DGLUCY: variants seen among roughly 807,000 people sequenced by gnomAD.
The protein encoded by DGLUCY is D-glutamate cyclase, also known as D-glutamate cyclase, mitochondrial.
A neutral mutation model predicts 58.5 loss-of-function variants in DGLUCY; 58 were observed. The observed-to-expected ratio is 0.99, with a 90% CI of 0.80 to 1.23. DGLUCY has a LOEUF of 1.23. Among genes scored for constraint, DGLUCY ranks in the 50% most tolerant of loss-of-function variants. The pLI, the probability that DGLUCY is intolerant of heterozygous loss-of-function variation, is 0.00. For synonymous variants in DGLUCY, 325 were observed against 314.1 expected, an observed-to-expected ratio of 1.03 and a Z score of -0.37; for missense variants, 779 against 784.7, an observed-to-expected ratio of 0.99 and a Z score of 0.09.
chr14:91,114,593 T>A (rs1374640893), intron 1 of DGLUCY: 1 of 152,244 alleles, frequency 6.6e-6, no homozygotes. Flanking sequence ...GTCACTGCCC[T>A]TGAGAACTCC....
chr14:91,195,568 G>A (rs1344497138), intron 9 of DGLUCY, among the ~76,000 whole-genome samples: 1 of 151,970 alleles, frequency 6.6e-6, no homozygotes, highest in Non-Finnish European at 1.5e-5. Flanking sequence ...TTGGAGCCAT[G>A]AAACTGACAT....
upstream of DGLUCY, among the ~76,000 whole-genome samples, chr14:91,107,760 A>AT (rs2044616686): frequency 1.3e-5 from 2 of 152,072 alleles, no homozygotes; most frequent in Non-Finnish European, 2.9e-5. Context: ...ATGGAATGGT[A>AT]TATCAGATGG....
At chr14:91,196,995 CT>C (rs1344619519) in intron 10 of DGLUCY, among the ~76,000 whole-genome samples, 1 of 152,088 alleles carries the variant, frequency 6.6e-6, no homozygotes, top group Admixed American at 6.6e-5. Context: ...GGGATGGAGT[CT>C]TTATCTGTTG....
chr14:91,143,029 C>CA (rs34164664), intron 1 of DGLUCY, among the ~76,000 whole-genome samples: 15,222 of 82,988 alleles, frequency 0.18, 1,294 homozygotes, highest in African/African-American at 0.21. Flanking sequence ...GACTCCCTCT[C>CA]AAAAAAAAAA....
At chr14:91,195,675 T>C (rs575903130) in intron 9 of DGLUCY, among the ~76,000 whole-genome samples, 1 of 148,140 alleles carries the variant, frequency 6.8e-6, no homozygotes, top group Admixed American at 6.7e-5. Flanking sequence ...GTTTTGTTTT[T>C]TTTTTTTTTT....
At chr14:91,109,630 C>T (rs2044659919), upstream of DGLUCY, among the ~76,000 whole-genome samples, 1 of 152,112 alleles carries the variant, frequency 6.6e-6, no homozygotes, top group South Asian at 2.1e-4. Flanking sequence ...TCCTGGCTCC[C>T]AGATGGCCAC....
chr14:91,142,875 ACACACAC>A (rs2046795340), intron 1 of DGLUCY, among the ~76,000 whole-genome samples: 1 of 147,726 alleles, frequency 6.8e-6, no homozygotes, highest in South Asian at 2.2e-4. Flanking sequence ...ACACACACAC[ACACACAC>A]TAGCCGGCGT....
At chr14:91,209,763 T>C (rs954894733) in intron 12 of DGLUCY, among the ~76,000 whole-genome samples, 1 of 152,152 alleles carries the variant, frequency 6.6e-6, no homozygotes, top group Non-Finnish European at 1.5e-5. Flanking sequence ...GATTGAGCTA[T>C]ATATTGTCTG....
At chr14:91,133,767 A>C (rs963549400) in intron 1 of DGLUCY, among the ~76,000 whole-genome samples, 1 of 152,150 alleles carries the variant, frequency 6.6e-6, no homozygotes, top group Non-Finnish European at 1.5e-5. Context: ...AGCAATGTAC[A>C]AGGGTTCCAG....
intron 8 of DGLUCY, among the ~76,000 whole-genome samples, chr14:91,182,550 G>T (rs747051693): frequency 6.6e-6 from 1 of 151,982 alleles, no homozygotes; most frequent in Non-Finnish European, 1.5e-5. Context: ...TTCCCGCCTC[G>T]GCCTCCCAAA....
At chr14:91,079,265 C>T (rs900356000) in intron 1 of DGLUCY, among the ~76,000 whole-genome samples, 1 of 152,034 alleles carries the variant, frequency 6.6e-6, no homozygotes, top group Non-Finnish European at 1.5e-5. Flanking sequence ...CAATATTATA[C>T]GCTGCCCTTT....
intron 1 of DGLUCY, among the ~76,000 whole-genome samples, chr14:91,071,211 C>T (rs945393165): frequency 6.6e-6 from 1 of 151,604 alleles, no homozygotes; most frequent in Non-Finnish European, 1.5e-5. Flanking sequence ...GTGGCACGCG[C>T]CTGTATTCCC....
At chr14:91,101,815 C>T (rs997901278) in intron 1 of DGLUCY, among the ~76,000 whole-genome samples, 2 of 152,192 alleles carry the variant, frequency 1.3e-5, no homozygotes, top group African/African-American at 4.8e-5. Context: ...CCATTTCAGC[C>T]TCTCAAGTGG....
exon 1 of DGLUCY, chr14:91,060,634 A>C: frequency 1.5e-6 from 1 of 661,578 alleles, no homozygotes; most frequent in African/African-American, 1.9e-5. Context: ...GGGCACCGCT[A>C]GTACCGCGCA....
At chr14:91,077,428 G>GAGGA (rs146017209) in intron 1 of DGLUCY, among the ~76,000 whole-genome samples, 46,687 of 148,418 alleles carry the variant, frequency 0.31, 7,649 homozygotes, top group African/African-American at 0.41. Flanking sequence ...AGGAGGGAGG[G>GAGGA]AGGAAGGAAG....
At chr14:91,219,206 A>G (rs999016975) in intron 13 of DGLUCY, among the ~76,000 whole-genome samples, 1 of 152,234 alleles carries the variant, frequency 6.6e-6, no homozygotes, top group East Asian at 1.9e-4. Context: ...AAAATTTTGA[A>G]AAAAGCTTCT....
intron 1 of DGLUCY, among the ~76,000 whole-genome samples, chr14:91,152,000 C>T (rs895576420): frequency 6.6e-6 from 1 of 152,200 alleles, no homozygotes; most frequent in Non-Finnish European, 1.5e-5. Flanking sequence ...TTCCCCACCA[C>T]GGAGTCCTAC....
intron 1 of DGLUCY, among the ~76,000 whole-genome samples, chr14:91,117,026 AT>A (rs955039857): frequency 4.6e-5 from 7 of 151,626 alleles, no homozygotes; most frequent in Non-Finnish European, 8.8e-5. Context: ...TTATTTATTG[AT>A]TATGTGCTAA....
chr14:91,091,601 C>T (rs1045313327), intron 1 of DGLUCY, among the ~76,000 whole-genome samples: 7 of 152,150 alleles, frequency 4.6e-5, no homozygotes, highest in African/African-American at 1.2e-4. Flanking sequence ...TTTTCCTGAA[C>T]GTGGAAATAA....
Sources: allele counts gnomAD v4.1 joint callset (sites outside exome capture counted in the v4.1 genomes callset), GRCh38; gene constraint gnomAD v4.1.1; transcripts MANE v1.5; gene names NCBI Gene and HGNC (gene_info 2026-07-23, HGNC 2026-07-21).